Variants in NECTIN3 observed in about 807,000 individuals in gnomAD.
NECTIN3 encodes the protein nectin cell adhesion molecule 3, also known as nectin-3.
A neutral mutation model predicts 49.4 loss-of-function variants in NECTIN3; 8 were observed. The ratio of observed to expected loss-of-function variants is 0.16; its 90% CI spans 0.10 to 0.29. The LOEUF (loss-of-function observed/expected upper bound fraction) is 0.29, where lower values mean the gene tolerates loss of function less well. NECTIN3 is among the 10% of genes least tolerant of loss of function. NECTIN3 has a pLI of 1.00. For missense variants in NECTIN3, 581 were observed against 654.6 expected (o/e 0.89, Z 1.23); for synonymous variants, 277 against 241.1 (o/e 1.15, Z -1.38).
At chr3:111,148,628 A>G (rs954986530) in intron 7 of NECTIN3, among the ~76,000 whole-genome samples, 9 of 152,108 alleles carry the variant, frequency 5.9e-5, no homozygotes, top group Admixed American at 4.6e-4. Context: ...GCTCATTAAA[A>G]TGTTTTGTAG....
chr3:111,153,010 C>T (rs540721814), intron 7 of NECTIN3, among the ~76,000 whole-genome samples: 3 of 151,832 alleles, frequency 2.0e-5, no homozygotes, highest in South Asian at 2.1e-4. Flanking sequence ...CCAGACACTA[C>T]GAGTAGTTAT....
rs543855455 is a variant in NECTIN3, at chr3:111,108,092, A to G, written c.161-3938A>G. 1.3e-4 allele frequency among the ~76,000 whole-genome samples: 20 copies of G among 152,322 alleles called. No homozygotes were observed. In the South Asian group the frequency reaches 3.9e-3, roughly 30 times the overall value. On this transcript the variant is annotated intron_variant, in intron 1 of 5. Coordinates refer to ENST00000485303, the MANE Select transcript of NECTIN3 (RefSeq NM_015480.3). ...ACAAGCAGTAAAACTCAGAATACAG[A>G]AAAATTAGAAAGTAAAAATCACTTA... is the stretch of plus-strand genomic sequence containing the variant.
intron 1 of NECTIN3, among the ~76,000 whole-genome samples, chr3:111,107,138 C>G (rs746391334): frequency 6.6e-6 from 1 of 151,658 alleles, no homozygotes; most frequent in African/African-American, 2.4e-5. Flanking sequence ...TTTAAAAAAC[C>G]CATAGTAGTT....
At chr3:111,091,703 T>C (rs912704738) in intron 1 of NECTIN3, among the ~76,000 whole-genome samples, 1 of 152,250 alleles carries the variant, frequency 6.6e-6, no homozygotes, top group African/African-American at 2.4e-5. Context: ...TAGTCATTAG[T>C]TGATAGACAT....
intron 7 of NECTIN3, among the ~76,000 whole-genome samples, chr3:111,176,625 T>C (rs2035533487): frequency 6.6e-6 from 1 of 152,206 alleles, no homozygotes; most frequent in Non-Finnish European, 1.5e-5. Context: ...CATTATTAGG[T>C]TATTTTCCTT....
intron 1 of NECTIN3, among the ~76,000 whole-genome samples, chr3:111,089,264 C>T (rs1239283845): frequency 6.6e-6 from 1 of 151,796 alleles, no homozygotes; most frequent in Non-Finnish European, 1.5e-5. Flanking sequence ...ATTGTTGATT[C>T]TATTTTATGT....
chr3:111,159,765 A>G (rs1235463279), intron 7 of NECTIN3, among the ~76,000 whole-genome samples: 2 of 152,208 alleles, frequency 1.3e-5, no homozygotes, highest in African/African-American at 4.8e-5. Flanking sequence ...GGTAAGCCAA[A>G]TTGCTAGCAA....
At chr3:111,145,204 G>A (rs1247866084) in intron 6 of NECTIN3, among the ~76,000 whole-genome samples, 2 of 152,056 alleles carry the variant, frequency 1.3e-5, no homozygotes, top group African/African-American at 4.8e-5. Flanking sequence ...ACTATATCTT[G>A]CTAAATGAAC....
chr3:111,131,200 CA>C (rs1470023043), intron 5 of NECTIN3, among the ~76,000 whole-genome samples: 5 of 151,892 alleles, frequency 3.3e-5, no homozygotes, highest in African/African-American at 1.2e-4. Flanking sequence ...TATGGTTTGG[CA>C]GAACTCATTA....
Position 111,184,421 on chromosome 3 carries a change from C to T in NECTIN3, c.1222-7930C>T, listed in dbSNP as rs374242839. 5.3e-5 allele frequency among the ~76,000 whole-genome samples: 8 copies of T among 152,210 alleles called. No homozygotes were observed. The East Asian group carries it at 7.7e-4, about 15-fold the overall frequency. ...TATCTTTGGAGTGGGTTAGTTATCT[C>T]GAGACTCCAGCCCCACTTTTCTCTC... On this transcript the variant is annotated intron_variant, in intron 7 of 8. Transcript: ENST00000493615.
At chr3:111,091,579 T>A (rs781269056) in intron 1 of NECTIN3, among the ~76,000 whole-genome samples, 3 of 152,292 alleles carry the variant, frequency 2.0e-5, no homozygotes, top group African/African-American at 7.2e-5. Flanking sequence ...GTATCTGTAT[T>A]ATTTCATTTA....
At chr3:111,145,415 G>C (rs2034849620) in intron 6 of NECTIN3, among the ~76,000 whole-genome samples, 1 of 152,100 alleles carries the variant, frequency 6.6e-6, no homozygotes, top group Non-Finnish European at 1.5e-5. Context: ...TATTGTATAT[G>C]CATGTCTTAT....
intron 1 of NECTIN3, among the ~76,000 whole-genome samples, chr3:111,089,082 A>G (rs746976596): frequency 3.3e-5 from 5 of 152,068 alleles, no homozygotes; most frequent in Non-Finnish European, 5.9e-5. Context: ...TTTGACAAAA[A>G]AATTGTTCAT....
intron 1 of NECTIN3, among the ~76,000 whole-genome samples, chr3:111,076,974 T>C (rs867684466): frequency 7.3e-6 from 1 of 137,300 alleles, no homozygotes; most frequent in Admixed American, 7.4e-5. Context: ...AGACTCCGTC[T>C]CAAAAAAAAA....
At chr3:111,083,492 A>C (rs2031750558) in intron 1 of NECTIN3, among the ~76,000 whole-genome samples, 1 of 152,214 alleles carries the variant, frequency 6.6e-6, no homozygotes, top group Admixed American at 6.5e-5. Flanking sequence ...GCAAGGATGT[A>C]GCAGAAAAGC....
rs777480767 is a variant in NECTIN3, at chr3:111,122,232, G to C, written c.911G>C (p.Trp304Ser). Residue 304 changes from tryptophan to serine, a missense_variant, in exon 4 of 6, where the codon TGG becomes TCG. Trp to Ser is a radical substitution (Grantham distance 177). Transcript: ENST00000485303. The stretch of plus-strand genomic sequence containing the variant: ...AATCCACCACCCTTCAAATCTGTGT[G>C]GAGCAGGTAATGTTATATACTTCGA... ...DANPPPFKSV[W>S]SRLDGQWPDG... The C allele has an allele frequency of 6.2e-7, 1 of 1,600,794 alleles. No individual in the cohort carries two copies. Among genetic ancestry groups the C allele is most frequent in the South Asian group, 1.1e-5 (1 of 90,552 alleles).
intron 7 of NECTIN3, among the ~76,000 whole-genome samples, chr3:111,169,840 A>G (rs2035400865): frequency 6.6e-6 from 1 of 152,242 alleles, no homozygotes; most frequent in South Asian, 2.1e-4. Flanking sequence ...TCATGGATAC[A>G]TAGATTTTAA....
chr3:111,083,206 G>A (rs1165265243), intron 1 of NECTIN3, among the ~76,000 whole-genome samples: 1 of 152,146 alleles, frequency 6.6e-6, no homozygotes, highest in East Asian at 1.9e-4. Flanking sequence ...GATAGTGAAG[G>A]AGAGTAGGGA....
Position 111,075,471 on chromosome 3 carries a change from G to A in NECTIN3, c.160+3294G>A, listed in dbSNP as rs1343055119. ...TACCTTGCTGATGGAGATCTTGTGA[G>A]AATTAAATGACAGAATAGAATAAAA... is the stretch of plus-strand genomic sequence containing the variant. On this transcript the variant is annotated intron_variant, in intron 1 of 5. Coordinates refer to ENST00000485303, the MANE Select transcript of NECTIN3 (RefSeq NM_015480.3). Among the ~76,000 whole-genome samples, 5 of 152,040 alleles carry A rather than the reference G, an allele frequency of 3.3e-5. 1 individual carries two copies. The highest frequency in any genetic ancestry group is 3.3e-4 in the Admixed American group (5 of 15,246).
Sources: gnomAD v4.1 joint callset for allele counts (sites outside exome capture counted in the v4.1 genomes callset) on GRCh38, gnomAD v4.1.1 for gene constraint, MANE v1.5 for transcripts, NCBI Gene and HGNC (gene_info 2026-07-23, HGNC 2026-07-21) for gene names.